The following SEC16A variants were observed in gnomAD, a reference collection of about 807,000 sequenced individuals.
SEC16A encodes the protein protein transport protein Sec16A.
Under a neutral mutation model 221.9 loss-of-function variants are expected in SEC16A, and 110 were observed. The ratio of observed to expected loss-of-function variants is 0.50; its 90% CI spans 0.42 to 0.58. The LOEUF (loss-of-function observed/expected upper bound fraction) is 0.58. SEC16A is among the 20% of genes least tolerant of loss of function. The pLI, the probability that SEC16A is intolerant of heterozygous loss-of-function variation, is 0.00. For synonymous variants in SEC16A, 1,393 were observed against 1,257.7 expected (o/e 1.11, Z -2.28); for missense variants, 3,165 against 3,097.8 (o/e 1.02, Z -0.52).
In SEC16A at chr9:136,482,991, C is replaced by G; in HGVS notation, c.-245G>C. On this transcript the variant is annotated 5_prime_UTR_variant, in exon 1 of 32. Transcript: ENST00000684901. ...GCCGCGGGCGAAAGCCCACCCGACG[C>G]TGGCGACGAGCACAGACACCTCAGC... The G allele has an allele frequency of 1.0e-6, 1 of 985,372 alleles. No homozygotes were observed. Among genetic ancestry groups the G allele is most frequent in the Non-Finnish European group, 1.2e-6 (1 of 829,900 alleles). 61.0% of individuals were successfully genotyped at this position (985,372 alleles called of 1,614,324 possible).
chr9:136,462,841 C>T, intron 12 of SEC16A, 46 bp downstream of exon 12: 2 of 1,586,278 alleles, frequency 1.3e-6, no homozygotes, highest in Non-Finnish European at 1.7e-6. Context: ...CAGGCCCGAC[C>T]CAGTGGACAT....
At position 136,447,237 on chromosome 9, in the gene SEC16A, C is replaced by T. The variant is rs776831828; in HGVS notation, c.6687G>A (p.Val2229=). The change falls in exon 27 of 32, where the codon GTG becomes GTA. Residue 2229 remains valine (V), a synonymous_variant. Transcript: ENST00000684901. This position sits in a 1 kb window ranked among gnomAD's most constrained non-coding sequence, Gnocchi z 5.5. The stretch of plus-strand genomic sequence containing the variant: ...GCTCGTGCTACCTACCTGGGGTTGG[C>T]ACGAACAAGTTAGAAGGAATTGGGA... ...APLPIPSNLF[V]PTPDAEEPQL... is the part of the protein sequence containing the mutation. The T allele has an allele frequency of 3.1e-6, 5 of 1,594,160 alleles. No individual in the cohort carries two copies. Among genetic ancestry groups the T allele is most frequent in the Non-Finnish European group, 4.3e-6 (5 of 1,171,312 alleles).
At chr9:136,444,111 T>A (rs1564449688) in intron 30 of SEC16A, 1 of 461,198 alleles carries the variant, frequency 2.2e-6, no homozygotes, top group African/African-American at 2.1e-5. Context: ...GCAGAGCCAA[T>A]GTTTTAAGCA....
In SEC16A at chr9:136,456,174, C is replaced by T. The variant is rs767318195; in HGVS notation, c.5551-8G>A. ...TCGTAACTGGGAAGCCATCTAGACA[C>T]GGGCAAAAATCAAAGGCCCCTGTCA... is the stretch of plus-strand genomic sequence containing the variant. On this transcript the variant is annotated splice_polypyrimidine_tract_variant and splice_region_variant and intron_variant, in intron 18 of 31. Transcript: ENST00000684901. 1.3e-4 allele frequency: 203 copies of T among 1,605,864 alleles called. No homozygotes were observed. Among genetic ancestry groups the T allele is most frequent in the Middle Eastern group, 2.2e-4 (1 of 4,510 alleles).
At position 136,476,897 on chromosome 9, in the gene SEC16A, C is replaced by A; in HGVS notation, c.719G>T (p.Gly240Val). ...SPCPEGPVPS[G>V]VPCATSVPHF... is the part of the protein sequence containing the mutation. ...AGGAACGCTGGTGGCACAGGGCACC[C>A]CGCTGGGAACAGGTCCTTCAGGGCA... Residue 240 changes from glycine (G) to valine (V), a missense_variant, in exon 3 of 32, where the codon GGG (glycine) becomes GTG (valine). Physicochemically the swap from Gly to Val is moderately radical, Grantham distance 109. Around this residue, in one of 3 missense-constraint regions of SEC16A, gnomAD observed 2,030 missense variants for 1,923.1 expected, o/e 1.06. Coordinates refer to ENST00000684901, the MANE Select transcript of SEC16A (RefSeq NM_014866.2). 2 of 1,611,628 alleles carry A rather than the reference C, an allele frequency of 1.2e-6. No homozygotes were observed. Among genetic ancestry groups the A allele is most frequent in the Non-Finnish European group, 1.7e-6 (2 of 1,179,538 alleles).
intron 12 of SEC16A, among the ~76,000 whole-genome samples, chr9:136,462,120 A>G (rs945892058): frequency 2.0e-5 from 3 of 152,188 alleles, no homozygotes; most frequent in African/African-American, 7.2e-5. Flanking sequence ...AAAATTAAAA[A>G]TAAAAAAATA....
intron 13 of SEC16A, 134 bp downstream of exon 13, chr9:136,461,043 G>T (rs541788365): frequency 4.3e-5 from 30 of 690,378 alleles, no homozygotes; most frequent in Admixed American, 3.0e-4. Flanking sequence ...CGAGGCCAAG[G>T]AAGCCCGAGT....
At position 136,476,904 on chromosome 9, in the gene SEC16A, G is replaced by T; in HGVS notation, c.712C>A (p.Pro238Thr). 1 of 1,611,726 alleles carries T rather than the reference G, an allele frequency of 6.2e-7. No homozygotes were observed. ...HRSPCPEGPVPSGVPCATSVP... is the reference protein window; with the variant it reads ...HRSPCPEGPVTSGVPCATSVP... Reference sequence around the variant, plus strand: ...CTGGTGGCACAGGGCACCCCGCTGGGAACAGGTCCTTCAGGGCAGGGTGAA... The same window carrying T: ...CTGGTGGCACAGGGCACCCCGCTGGTAACAGGTCCTTCAGGGCAGGGTGAA... The change falls in exon 3 of 32, where the codon CCC becomes ACC. Residue 238 changes from proline to threonine, a missense_variant. By Grantham distance (38) the Pro-to-Thr change is conservative. This residue lies in a region of SEC16A where 2,030 missense variants were observed against 1,923.1 expected (regional missense o/e 1.06). Coordinates refer to ENST00000684901, the MANE Select transcript of SEC16A (RefSeq NM_014866.2).
At chr9:136,443,963 G>GCAGATA (rs1836576419) in intron 30 of SEC16A, 63 bp from the exon 31 acceptor site, 6 of 1,196,410 alleles carry the variant, frequency 5.0e-6, no homozygotes, top group Non-Finnish European at 7.1e-6. Context: ...CACTTCAAGT[G>GCAGATA]CAGATACAGA....
intron 23 of SEC16A, among the ~76,000 whole-genome samples, chr9:136,449,387 T>C (rs1412576005): frequency 2.0e-5 from 3 of 152,202 alleles, no homozygotes; most frequent in Admixed American, 1.3e-4. Context: ...GTAGCTGGGA[T>C]TACAGGCACC....
At position 136,467,075 on chromosome 9, in the gene SEC16A, G is replaced by A; in HGVS notation, c.3811C>T (p.His1271Tyr). Residue 1271 changes from histidine to tyrosine, a missense_variant, in exon 6 of 32, where the codon CAC becomes TAC. This residue lies in a region of SEC16A where 2,030 missense variants were observed against 1,923.1 expected (regional missense o/e 1.06). Transcript: ENST00000684901. The part of the protein sequence containing the change: ...SSQYDYGDPG[H>Y]WDRYHYSARV... ...GCACTGTAGTGGTAACGATCCCAGTGACCTGGATCTGTGAGCAAGGAATTA... is the reference window on the plus strand; with the variant it reads ...GCACTGTAGTGGTAACGATCCCAGTAACCTGGATCTGTGAGCAAGGAATTA... 6.2e-7 allele frequency: 1 copy of A among 1,613,786 alleles called. No homozygotes were observed.
rs1836207980 is a variant in SEC16A at position 136,441,737 on chromosome 9, G to A, written c.*18C>T. ...AGCAGCGTCAGGGCTCCAAGTGCAA[G>A]TTCACAGCAGGGCAAGCCTAGTTCA... is the stretch of plus-strand genomic sequence containing the variant. On this transcript the variant is annotated 3_prime_UTR_variant, in exon 32 of 32. Coordinates refer to ENST00000684901, the MANE Select transcript of SEC16A (RefSeq NM_014866.2). 6.2e-7 allele frequency: 1 copy of A among 1,612,316 alleles called. No homozygotes were observed. Among genetic ancestry groups the A allele is most frequent in the Admixed American group, 1.7e-5 (1 of 59,998 alleles).
chr9:136,474,628 A>G lies in SEC16A; in HGVS notation c.2988T>C (p.Phe996=). 1.2e-6 allele frequency: 2 copies of G among 1,613,210 alleles called. No individual in the cohort carries two copies. The highest frequency in any genetic ancestry group is 1.7e-6 in the Non-Finnish European group (2 of 1,179,794). The change falls in exon 3 of 32, where the codon TTT becomes TTC. Residue 996 remains phenylalanine, a synonymous_variant. Transcript: ENST00000684901. ...GATTTTCCAAAGTCCTGCTTAAGGT[A>G]AAGTCTAGGGCTCCGTAAGTGTCTT... The part of the protein sequence containing the change: ...HQEDTYGALD[F]TLSRTLENPV...
At chr9:136,455,203 C>G (rs561604923) in intron 20 of SEC16A, among the ~76,000 whole-genome samples, 2 of 152,322 alleles carry the variant, frequency 1.3e-5, no homozygotes, top group South Asian at 4.1e-4. Flanking sequence ...CCCTGGAGCT[C>G]TGGGCTGGCC....
Position 136,477,347 on chromosome 9 carries a change from G to C in SEC16A, c.269C>G (p.Pro90Arg). 7 of 1,614,006 alleles carry C rather than the reference G, an allele frequency of 4.3e-6. No individual in the cohort carries two copies. Among genetic ancestry groups the C allele is most frequent in the Non-Finnish European group, 5.9e-6 (7 of 1,179,902 alleles). Reference sequence around the variant, plus strand: ...ATGTGTGTGAGGAACAAGCAAACCGGGGTGCTGAGAAAACCCTGCGGGGGC... The same window carrying C: ...ATGTGTGTGAGGAACAAGCAAACCGCGGTGCTGAGAAAACCCTGCGGGGGC... Reference protein sequence around the residue: ...GPAPAGFSQHPGLLVPHTHAR... With the variant: ...GPAPAGFSQHRGLLVPHTHAR... Residue 90 changes from proline (P) to arginine (R), a missense_variant, in exon 3 of 32, where the codon CCC (proline) becomes CGC (arginine). Pro to Arg is a moderately radical substitution (Grantham distance 103). This residue lies in a region of SEC16A where 2,030 missense variants were observed against 1,923.1 expected (regional missense o/e 1.06). Coordinates refer to ENST00000684901, the MANE Select transcript of SEC16A (RefSeq NM_014866.2).
Position 136,447,265 on chromosome 9 carries a change from G to A in SEC16A, c.6659C>T (p.Pro2220Leu). 6.3e-7 allele frequency: 1 copy of A among 1,597,108 alleles called. No individual in the cohort carries two copies. The highest frequency in any genetic ancestry group is 1.3e-5 in the African/African-American group (1 of 74,806). ...GAACAAGTTAGAAGGAATTGGGAGT[G>A]GCGCGAGTGGAGCGACAAAGTCCGC... ...APADFVAPLA[P>L]LPIPSNLFVP... The change falls in exon 27 of 32, where the codon CCA becomes CTA. Residue 2220 changes from proline (P) to leucine (L), a missense_variant. Around this residue, in one of 3 missense-constraint regions of SEC16A, gnomAD observed 1,088 missense variants for 1,089.6 expected, o/e 1.00. Transcript: ENST00000684901. This position sits in a 1 kb window ranked among gnomAD's most constrained non-coding sequence, Gnocchi z 5.5.
In SEC16A at chr9:136,466,445, T is replaced by C. The variant is rs1276469484; in HGVS notation, c.3947A>G (p.Asn1316Ser). The C allele has an allele frequency of 1.9e-6, 3 of 1,605,692 alleles. No individual in the cohort carries two copies. Among genetic ancestry groups the C allele is most frequent in the Non-Finnish European group, 2.6e-6 (3 of 1,176,064 alleles). ...GAAGCGAGGATCGTACCTCCAGTTG[T>C]TGTCACGTTTCTCGGGCCTAGAGGA... The part of the protein sequence containing the change: ...AFGDRPEKRD[N>S]NWRYDPRFTG... The change falls in exon 7 of 32, where the codon AAC (asparagine) becomes AGC (serine). Residue 1316 changes from asparagine (N) to serine (S), a missense_variant. By Grantham distance (46) the Asn-to-Ser change is conservative (BLOSUM62 1). Around this residue, in one of 3 missense-constraint regions of SEC16A, gnomAD observed 2,030 missense variants for 1,923.1 expected, o/e 1.06. Transcript: ENST00000684901. This position sits in a 1 kb window ranked among gnomAD's most constrained non-coding sequence, Gnocchi z 5.5.
chr9:136,484,547 G>T (rs775816203), upstream of SEC16A: 5 of 1,302,860 alleles, frequency 3.8e-6, no homozygotes, highest in East Asian at 2.4e-4. Context: ...CCGTGGTGGG[G>T]GTGCCCGCCC....
Position 136,466,271 on chromosome 9 carries a change from G to A in SEC16A, c.4121C>T (p.Ser1374Leu), listed in dbSNP as rs763169052. Residue 1374 changes from serine to leucine, a missense_variant, in exon 7 of 32, where the codon TCG becomes TTG. Physicochemically the swap from Ser to Leu is moderately radical, Grantham distance 145. Around this residue, in one of 3 missense-constraint regions of SEC16A, gnomAD observed 2,030 missense variants for 1,923.1 expected, o/e 1.06. Transcript: ENST00000684901. This position sits in a 1 kb window ranked among gnomAD's most constrained non-coding sequence, Gnocchi z 5.5. ...TGAGGCGCCGCCGCGTACCTGGTGCGAGTGGGAGCTGAGGCTGCTGCGGCG... is the reference window on the plus strand; with the variant it reads ...TGAGGCGCCGCCGCGTACCTGGTGCAAGTGGGAGCTGAGGCTGCTGCGGCG... ...ASRRSSLSSH[S>L]HQSQIYRSHN... 2.0e-5 allele frequency: 31 copies of A among 1,580,868 alleles called. No individual in the cohort carries two copies. Among genetic ancestry groups the A allele is most frequent in the Non-Finnish European group, 2.3e-5 (27 of 1,163,042 alleles).
Sources: gnomAD v4.1 joint callset for allele counts (sites outside exome capture counted in the v4.1 genomes callset) on GRCh38, gnomAD v4.1.1 for gene constraint, gnomAD v4.1.1 regional missense constraint, Gnocchi (gnomAD v3.1) non-coding constraint, MANE v1.5 for transcripts, NCBI Gene and HGNC (gene_info 2026-07-23, HGNC 2026-07-21) for gene names.